KDM2B: variants seen among roughly 807,000 people sequenced by gnomAD.
The protein encoded by KDM2B is lysine-specific demethylase 2B.
KDM2B carries 26 observed loss-of-function variants against 150.0 expected under a neutral mutation model. That is an observed-to-expected ratio of 0.17 (90% CI 0.13 to 0.24). KDM2B has a LOEUF of 0.24. Among genes scored for constraint, KDM2B ranks in the 10% least tolerant of loss-of-function variants. The pLI, the probability that KDM2B is intolerant of heterozygous loss-of-function variation, is 1.00. For missense variants in KDM2B, 1,265 were observed against 1,816.9 expected, an observed-to-expected ratio of 0.70 and a Z score of 5.52; for synonymous variants, 734 against 729.5, an observed-to-expected ratio of 1.01 and a Z score of -0.10.
At chr12:121,416,220 G>T in the KDM2B span, 1 of 1,614,082 alleles carries the variant, frequency 6.2e-7, no homozygotes, top group South Asian at 1.1e-5. Flanking sequence ...ATGGGAACTG[G>T]AGCTGTCAGG....
At chr12:121,494,887 A>G (rs146002934) in intron 11 of KDM2B, among the ~76,000 whole-genome samples, 1 of 152,292 alleles carries the variant, frequency 6.6e-6, no homozygotes, top group Non-Finnish European at 1.5e-5. Flanking sequence ...AAATTTCTTT[A>G]ACAAAGCAAA....
the KDM2B span, among the ~76,000 whole-genome samples, chr12:121,412,415 T>C: frequency 6.6e-6 from 1 of 151,334 alleles, no homozygotes; most frequent in African/African-American, 2.4e-5. Flanking sequence ...AATTTTGTTT[T>C]TGTTTTTTTA....
At chr12:121,456,490 G>A (rs1878257075) in intron 12 of KDM2B, among the ~76,000 whole-genome samples, 1 of 152,196 alleles carries the variant, frequency 6.6e-6, no homozygotes, top group African/African-American at 2.4e-5. Context: ...CCTCCAGTCA[G>A]GTGTGAAGTG....
rs1368744923 is a variant in KDM2B, at chr12:121,520,611, C to T, written c.1047+374G>A. 6.6e-6 allele frequency among the ~76,000 whole-genome samples: 1 copy of T among 152,112 alleles called. No homozygotes were observed. The highest frequency in any genetic ancestry group is 2.4e-5 in the African/African-American group (1 of 41,428). ...GACCAGGACAGGCCCTTCCAAGGTC[C>T]ACACCCATCCTCCAAACAACAGCGA... On this transcript the variant is annotated intron_variant, in intron 9 of 22. Coordinates refer to ENST00000377071, the MANE Select transcript of KDM2B (RefSeq NM_032590.5). This position sits in a 1 kb window ranked among gnomAD's most constrained non-coding sequence, Gnocchi z 4.5.
At chr12:121,441,809 C>G (rs1185718053) in intron 19 of KDM2B, among the ~76,000 whole-genome samples, 1 of 152,164 alleles carries the variant, frequency 6.6e-6, no homozygotes, top group East Asian at 1.9e-4. Context: ...GCGTCATGCC[C>G]GTTCATCCAA....
rs1555284787 is a variant in KDM2B, at chr12:121,429,259, C to T, written c.*1029G>A. ...GGAAGGTCTAGGAAACACCACCTTA[C>T]AACAATGGCACTTATAAATGCAGAA... On this transcript the variant is annotated 3_prime_UTR_variant, in exon 23 of 23. Coordinates refer to ENST00000377071, the MANE Select transcript of KDM2B (RefSeq NM_032590.5). 1.3e-5 allele frequency: 2 copies of T among 152,596 alleles called. No homozygotes were observed. Among genetic ancestry groups the T allele is most frequent in the Non-Finnish European group, 2.9e-5 (2 of 68,044 alleles). The allele number at this position is 152,596 out of a possible 1,614,324, so 9.5% of individuals were successfully genotyped here. A position where few individuals can be genotyped will look rare whatever the true frequency, so the allele number is the denominator to read the frequency against.
downstream of KDM2B, chr12:121,424,143 C>G (rs1872391622): frequency 6.5e-6 from 1 of 152,790 alleles, no homozygotes; most frequent in African/African-American, 2.4e-5. Context: ...AGTCGACTGC[C>G]AGGGCCTTAG....
chr12:121,507,965 C>T (rs956631604), intron 11 of KDM2B, among the ~76,000 whole-genome samples: 8 of 152,146 alleles, frequency 5.3e-5, no homozygotes, highest in Non-Finnish European at 7.3e-5. Context: ...GAGCCAAGCT[C>T]GCACCACTGC....
At chr12:121,566,711 G>C (rs926549467) in intron 4 of KDM2B, among the ~76,000 whole-genome samples, 2 of 151,862 alleles carry the variant, frequency 1.3e-5, no homozygotes, top group Admixed American at 1.3e-4. Flanking sequence ...CAGGAGAATC[G>C]CTTGAATCCA....
chr12:121,547,972 G>A (rs1469662351), intron 6 of KDM2B, among the ~76,000 whole-genome samples: 1 of 152,056 alleles, frequency 6.6e-6, no homozygotes, highest in Admixed American at 6.6e-5. Flanking sequence ...AAACAGAGCT[G>A]GAAGCCTCAA....
chr12:121,420,440 T>G, the KDM2B span: 10 of 1,552,182 alleles, frequency 6.4e-6, no homozygotes, highest in Non-Finnish European at 7.9e-6. Context: ...TCTTCTGGTT[T>G]GAATGTAGGA....
chr12:121,456,085 C>G (rs916215868), intron 12 of KDM2B, among the ~76,000 whole-genome samples: 1 of 152,232 alleles, frequency 6.6e-6, no homozygotes, highest in Non-Finnish European at 1.5e-5. Context: ...CCAATAACAG[C>G]ACTGCAGAGG....
chr12:121,437,420 C>T (rs1202291750), intron 22 of KDM2B, among the ~76,000 whole-genome samples: 9 of 150,698 alleles, frequency 6.0e-5, no homozygotes, highest in Admixed American at 4.0e-4. Context: ...GGGAGAAAAA[C>T]GGGTGGGGAG....
At position 121,528,815 on chromosome 12, in the gene KDM2B, C is replaced by T. The variant is rs1486041886; in HGVS notation, c.931+3991G>A. On this transcript the variant is annotated intron_variant, in intron 8 of 22. Transcript: ENST00000377071. The stretch of plus-strand genomic sequence containing the variant: ...GGCTGAGGCTGGAGAATCGCTTGAA[C>T]TTGGGAGGCGGAGGTTACAGTGAGC... 5.9e-5 allele frequency among the ~76,000 whole-genome samples: 9 copies of T among 152,328 alleles called. No individual in the cohort carries two copies. In the East Asian group the frequency reaches 1.4e-3, roughly 23 times the overall value.
At chr12:121,502,778 A>C (rs1884693709) in intron 11 of KDM2B, among the ~76,000 whole-genome samples, 1 of 150,530 alleles carries the variant, frequency 6.6e-6, no homozygotes, top group African/African-American at 2.4e-5. Context: ...AAAAAAAAAA[A>C]AAAAAAAAAC....
At chr12:121,490,511 C>G (rs1215373174) in intron 12 of KDM2B, among the ~76,000 whole-genome samples, 6 of 152,190 alleles carry the variant, frequency 3.9e-5, no homozygotes, top group Admixed American at 3.9e-4. Flanking sequence ...AATAAACCAG[C>G]AAGCCAGCCA....
chr12:121,493,871 A>AT, intron 12 of KDM2B: 1 of 150,468 alleles, frequency 6.6e-6, no homozygotes, highest in South Asian at 2.1e-4. Context: ...ATTTTATTTT[A>AT]TTTTTTGAGA....
chr12:121,553,078 A>C (rs1555312083), intron 4 of KDM2B, among the ~76,000 whole-genome samples: 1 of 151,714 alleles, frequency 6.6e-6, no homozygotes, highest in African/African-American at 2.4e-5. Flanking sequence ...TAAAAATACA[A>C]AAAATCCGCC....
intron 4 of KDM2B, among the ~76,000 whole-genome samples, chr12:121,571,602 C>T (rs1374003326): frequency 6.6e-6 from 1 of 151,662 alleles, no homozygotes; most frequent in Non-Finnish European, 1.5e-5. Flanking sequence ...CCAACTTCTA[C>T]ATTTTAAAAT....
Sources: allele counts gnomAD v4.1 joint callset (sites outside exome capture counted in the v4.1 genomes callset), GRCh38; gene constraint gnomAD v4.1.1; non-coding constraint Gnocchi (gnomAD v3.1); transcripts MANE v1.5; gene names NCBI Gene and HGNC (gene_info 2026-07-23, HGNC 2026-07-21).